CAPZB: variants seen among roughly 807,000 people sequenced by gnomAD.
CAPZB encodes the protein F-actin-capping protein subunit beta.
In CAPZB, 2 loss-of-function variants were observed where a neutral mutation model predicts 38.1. That is an observed-to-expected ratio of 0.05 (90% CI 0.02 to 0.17). The LOEUF is 0.17. CAPZB is among the 10% of genes least tolerant of loss of function. The pLI is 1.00. For missense variants in CAPZB, 161 were observed against 334.2 expected, an observed-to-expected ratio of 0.48 and a Z score of 4.04; for synonymous variants, 107 against 127.4, an observed-to-expected ratio of 0.84 and a Z score of 1.08.
chr1:19,379,504 G>A (rs948518531), intron 3 of CAPZB, among the ~76,000 whole-genome samples: 6 of 152,200 alleles, frequency 3.9e-5, no homozygotes, highest in African/African-American at 1.2e-4. Context: ...GCGTTAAGAA[G>A]AGAGCTGTCA....
At chr1:19,450,729 T>C (rs373525243) in intron 1 of CAPZB, among the ~76,000 whole-genome samples, 8 of 152,160 alleles carry the variant, frequency 5.3e-5, no homozygotes, top group Admixed American at 2.0e-4. Context: ...AACTATCCTT[T>C]CACACTTGTG....
At position 19,339,464 on chromosome 1, in the gene CAPZB, A is replaced by C; in HGVS notation, c.*66T>G. 8.1e-7 allele frequency: 1 copy of C among 1,241,022 alleles called. No individual in the cohort carries two copies. The highest frequency in any genetic ancestry group is 1.2e-6 in the Non-Finnish European group (1 of 839,362). 76.9% of individuals were successfully genotyped at this position (1,241,022 alleles called of 1,614,324 possible). A position where few individuals can be genotyped will look rare whatever the true frequency, so the allele number is the denominator to read the frequency against. On this transcript the variant is annotated 3_prime_UTR_variant, in exon 9 of 9. Coordinates refer to ENST00000264202, the MANE Select transcript of CAPZB (RefSeq NM_004930.5). ...GGAAGGGACGAGGGAAGGGAGCAGA[A>C]AACGAGTTTTCTAAGAAAGGAATCT...
chr1:19,368,902 G>A (rs781615425), intron 4 of CAPZB, among the ~76,000 whole-genome samples: 2 of 152,192 alleles, frequency 1.3e-5, no homozygotes, highest in African/African-American at 2.4e-5. Context: ...AGTGAGGGGA[G>A]TGCAGGGTCT....
chr1:19,467,710 T>C (rs558819547), intron 1 of CAPZB, among the ~76,000 whole-genome samples: 4 of 152,356 alleles, frequency 2.6e-5, no homozygotes, highest in South Asian at 2.1e-4. Context: ...ATCTGCTGCA[T>C]GCTTCCCAGT....
chr1:19,420,429 T>C (rs1397613140), intron 1 of CAPZB, among the ~76,000 whole-genome samples: 1 of 152,164 alleles, frequency 6.6e-6, no homozygotes, highest in Non-Finnish European at 1.5e-5. Context: ...TGTTTTTCAT[T>C]TTTTAAAGAT....
intron 2 of CAPZB, among the ~76,000 whole-genome samples, chr1:19,410,923 A>G (rs1226244217): frequency 2.6e-5 from 4 of 152,124 alleles, no homozygotes; most frequent in Admixed American, 2.6e-4. Flanking sequence ...GCCCTCCTCC[A>G]TTCCTCAGTT....
intron 1 of CAPZB, among the ~76,000 whole-genome samples, chr1:19,448,179 A>G (rs2094502793): frequency 6.6e-6 from 1 of 152,224 alleles, no homozygotes; most frequent in South Asian, 2.1e-4. Flanking sequence ...AATATCTCCA[A>G]GCAAGAAGGG....
rs3048150 is a variant in CAPZB at position 19,434,997 on chromosome 1, G to GAAA, written c.4-15250_4-15248dup. On this transcript the variant is annotated intron_variant, in intron 1 of 8. Transcript: ENST00000264202. ...TTTTTTTTTCCTTTCTGTCTCAAAG[G>GAAA]AAAAAAAAAAACACACTCATTATAA... Among the ~76,000 whole-genome samples the GAAA allele has an allele frequency of 5.4e-3, 725 of 134,384 alleles. 8 individuals are homozygous for GAAA. The highest frequency in any genetic ancestry group is 0.016 in the African/African-American group (585 of 37,512). 88.2% of individuals were successfully genotyped at this position (134,384 alleles called of 152,430 possible).
chr1:19,419,053 T>C (rs551547256), intron 2 of CAPZB, among the ~76,000 whole-genome samples: 1 of 152,370 alleles, frequency 6.6e-6, no homozygotes, highest in East Asian at 1.9e-4. Flanking sequence ...ATAGATGTTT[T>C]TGAATATTTT....
chr1:19,471,347 T>C (rs1218919198), intron 1 of CAPZB, among the ~76,000 whole-genome samples: 2 of 152,182 alleles, frequency 1.3e-5, no homozygotes, highest in African/African-American at 2.4e-5. Flanking sequence ...TTCTGACATG[T>C]AATGAAATTC....
At chr1:19,440,760 A>G (rs1044956113) in intron 1 of CAPZB, among the ~76,000 whole-genome samples, 1 of 152,230 alleles carries the variant, frequency 6.6e-6, no homozygotes, top group Non-Finnish European at 1.5e-5. Flanking sequence ...GCCATGTTTT[A>G]AAAAAGTTAT....
intron 4 of CAPZB, among the ~76,000 whole-genome samples, chr1:19,376,914 T>A (rs1408669617): frequency 6.6e-6 from 1 of 152,180 alleles, no homozygotes; most frequent in African/African-American, 2.4e-5. Context: ...CTGGGTAAGT[T>A]ATATCACCTT....
rs550845324 is a variant in CAPZB, at chr1:19,346,639, A to G, written c.589-1387T>C. ...TTCTCACCTATTTCTACATCTCCTC[A>G]TCAGGGAGACTGACTTTCAGGCTGT... is the stretch of plus-strand genomic sequence containing the variant. On this transcript the variant is annotated intron_variant, in intron 6 of 8. Coordinates refer to ENST00000264202, the MANE Select transcript of CAPZB (RefSeq NM_004930.5). Among the ~76,000 whole-genome samples the G allele has an allele frequency of 2.6e-5, 4 of 151,932 alleles. No homozygotes were observed. The South Asian group carries it at 8.3e-4, about 32-fold the overall frequency.
intron 4 of CAPZB, among the ~76,000 whole-genome samples, chr1:19,365,344 C>G (rs1440525509): frequency 6.6e-6 from 1 of 152,110 alleles, no homozygotes; most frequent in African/African-American, 2.4e-5. Flanking sequence ...ACTCTTCCCC[C>G]GAAGTCTTTA....
intron 1 of CAPZB, among the ~76,000 whole-genome samples, chr1:19,440,133 A>C (rs1267546103): frequency 6.6e-6 from 1 of 152,156 alleles, no homozygotes; most frequent in East Asian, 1.9e-4. Context: ...TTAATACAAA[A>C]TACCTTTGTT....
At chr1:19,410,494 T>G (rs1243430075) in intron 2 of CAPZB, among the ~76,000 whole-genome samples, 1 of 151,748 alleles carries the variant, frequency 6.6e-6, no homozygotes, top group Non-Finnish European at 1.5e-5. Context: ...GGGTGGGGGG[T>G]GGTGGGGGGC....
At chr1:19,418,161 A>C (rs894070542) in intron 2 of CAPZB, among the ~76,000 whole-genome samples, 12 of 150,584 alleles carry the variant, frequency 8.0e-5, no homozygotes, top group African/African-American at 2.9e-4. Context: ...AAAAAAAAAA[A>C]AAAACCACCA....
intron 1 of CAPZB, among the ~76,000 whole-genome samples, chr1:19,439,434 C>A (rs562689173): frequency 6.6e-6 from 1 of 152,282 alleles, no homozygotes; most frequent in Admixed American, 6.5e-5. Context: ...GTTTCAGTGG[C>A]CTTGGAGTCC....
At chr1:19,426,716 TG>T (rs908982939) in intron 1 of CAPZB, among the ~76,000 whole-genome samples, 3 of 152,182 alleles carry the variant, frequency 2.0e-5, no homozygotes, top group Non-Finnish European at 4.4e-5. Flanking sequence ...GCTATCTGAC[TG>T]CAATAGTATG....
Sources: allele counts gnomAD v4.1 joint callset (sites outside exome capture counted in the v4.1 genomes callset), GRCh38; gene constraint gnomAD v4.1.1; transcripts MANE v1.5; gene names NCBI Gene and HGNC (gene_info 2026-07-23, HGNC 2026-07-21).